The following MAST4 variants were observed in gnomAD, a reference collection of about 807,000 sequenced individuals.
The protein encoded by MAST4 is microtubule-associated serine/threonine-protein kinase 4.
Under a neutral mutation model 162.7 loss-of-function variants are expected in MAST4, and 89 were observed. The ratio of observed to expected loss-of-function variants is 0.55; its 90% CI spans 0.46 to 0.65. MAST4 has a LOEUF of 0.65. Among genes scored for constraint, MAST4 ranks in the 30% least tolerant of loss-of-function variants. The probability of loss-of-function intolerance (pLI) is 0.00; values close to 1 mark genes in which losing one functional copy is unlikely to be tolerated. For synonymous variants in MAST4, 1,479 were observed against 1,361.1 expected (o/e 1.09, Z -1.91); for missense variants, 3,153 against 3,374.0 (o/e 0.93, Z 1.62).
At chr5:67,156,751 G>C (rs1196233671) in intron 26 of MAST4, among the ~76,000 whole-genome samples, 1 of 152,210 alleles carries the variant, frequency 6.6e-6, no homozygotes, top group Non-Finnish European at 1.5e-5. Flanking sequence ...GGTAGTGAAG[G>C]GGTTGAGGCC....
intron 1 of MAST4, among the ~76,000 whole-genome samples, chr5:66,755,005 C>T (rs11739144): frequency 3.9e-4 from 60 of 152,226 alleles, no homozygotes; most frequent in Non-Finnish European, 7.2e-4. Flanking sequence ...AGTGGAGTGG[C>T]AGGAGCTGGG....
chr5:66,800,357 C>A (rs544607443), intron 3 of MAST4, among the ~76,000 whole-genome samples: 1 of 152,274 alleles, frequency 6.6e-6, no homozygotes, highest in East Asian at 1.9e-4. Context: ...GAATATTATG[C>A]AGCCATAGCA....
intron 4 of MAST4, among the ~76,000 whole-genome samples, chr5:66,984,860 G>C (rs1053928663): frequency 2.0e-5 from 3 of 152,118 alleles, no homozygotes; most frequent in African/African-American, 4.8e-5. Flanking sequence ...ACACAGGTGG[G>C]GAAGACTTGA....
rs115169155 is a variant in MAST4 at position 66,930,508 on chromosome 5, G to A, written c.674+30526G>A. ...AGACGTTCATTGTATTTGGTCCAGT[G>A]GTGTGTGTATATGATTGTGAATGAG... On this transcript the variant is annotated intron_variant, in intron 4 of 28. Transcript: ENST00000403625. Among the ~76,000 whole-genome samples, 1,034 of 152,232 alleles carry A rather than the reference G, an allele frequency of 6.8e-3. 14 individuals are homozygous for A. Among genetic ancestry groups the A allele is most frequent in the African/African-American group, 0.024 (990 of 41,530 alleles).
At chr5:66,966,520 A>G (rs1244072679) in intron 4 of MAST4, among the ~76,000 whole-genome samples, 1 of 152,218 alleles carries the variant, frequency 6.6e-6, no homozygotes, top group East Asian at 1.9e-4. Context: ...TAAGGGATCC[A>G]GGGGGATCTT....
At chr5:66,609,497 C>T (rs965196528) in intron 1 of MAST4, among the ~76,000 whole-genome samples, 5 of 150,926 alleles carry the variant, frequency 3.3e-5, no homozygotes, top group African/African-American at 1.2e-4. Flanking sequence ...TCAAGCCATC[C>T]TCCCACCTTA....
chr5:67,045,450 C>T (rs1757247513), intron 4 of MAST4, among the ~76,000 whole-genome samples: 1 of 152,060 alleles, frequency 6.6e-6, no homozygotes, highest in Non-Finnish European at 1.5e-5. Flanking sequence ...AATAGAGCCA[C>T]GAAATGGAGA....
chr5:66,694,308 C>T (rs1440835342), intron 1 of MAST4, among the ~76,000 whole-genome samples: 2 of 152,084 alleles, frequency 1.3e-5, no homozygotes, highest in Non-Finnish European at 2.9e-5. Context: ...AGGTCCACCC[C>T]TTTCAGTGGT....
intron 19 of MAST4, among the ~76,000 whole-genome samples, chr5:67,138,741 A>G (rs1451045528): frequency 1.3e-5 from 2 of 152,068 alleles, no homozygotes; most frequent in African/African-American, 2.4e-5. Flanking sequence ...GCCCCATCAT[A>G]TATGTTTTAA....
At chr5:67,001,862 C>T (rs1751333412) in intron 4 of MAST4, 1 of 152,212 alleles carries the variant, frequency 6.6e-6, no homozygotes, top group Non-Finnish European at 1.5e-5. Flanking sequence ...GATCCAAACA[C>T]TCTTTCACAT....
At chr5:66,859,293 T>G (rs1050721051) in intron 3 of MAST4, among the ~76,000 whole-genome samples, 1 of 152,338 alleles carries the variant, frequency 6.6e-6, no homozygotes, top group African/African-American at 2.4e-5. Flanking sequence ...AGATTTCTTA[T>G]TCTGTCCTCT....
intron 4 of MAST4, among the ~76,000 whole-genome samples, chr5:66,915,985 C>T (rs1764093575): frequency 6.6e-6 from 1 of 152,174 alleles, no homozygotes; most frequent in African/African-American, 2.4e-5. Flanking sequence ...CTGCGTTGTC[C>T]AGTGCAGCAG....
intron 1 of MAST4, among the ~76,000 whole-genome samples, chr5:66,656,940 T>C (rs1175010579): frequency 6.6e-6 from 1 of 152,216 alleles, no homozygotes; most frequent in East Asian, 1.9e-4. Flanking sequence ...GGTTTCATTT[T>C]TCCCAAGCAG....
At chr5:66,659,791 G>A (rs35942170) in intron 1 of MAST4, among the ~76,000 whole-genome samples, 3 of 152,144 alleles carry the variant, frequency 2.0e-5, no homozygotes, top group Non-Finnish European at 2.9e-5. Context: ...GCTGTGTAGC[G>A]CATGTGCTAG....
Position 66,655,907 on chromosome 5 carries a change from A to C in MAST4, c.363+58889A>C, listed in dbSNP as rs555027227. Among the ~76,000 whole-genome samples the C allele has an allele frequency of 5.9e-5, 9 of 152,352 alleles. No homozygotes were observed. In the South Asian group the frequency reaches 1.9e-3, roughly 32 times the overall value. On this transcript the variant is annotated intron_variant, in intron 1 of 28. Coordinates refer to ENST00000403625, the MANE Select transcript of MAST4 (RefSeq NM_001164664.2). ...TATATTTAAAAAATTGCAGTCCACA[A>C]ACTGTTAGCAATATCTCCCCCTGTA...
chr5:66,963,670 A>G (rs370243287), intron 4 of MAST4: 6 of 779,260 alleles, frequency 7.7e-6, no homozygotes, highest in Non-Finnish European at 1.4e-5. Context: ...ACTGCAATCA[A>G]TTCTCCCACT....
chr5:66,913,504 C>CA (rs1296789617), intron 4 of MAST4, among the ~76,000 whole-genome samples: 6 of 152,100 alleles, frequency 3.9e-5, no homozygotes, highest in African/African-American at 1.4e-4. Context: ...ATGACTGTGT[C>CA]AGTTTCATTA....
chr5:67,045,228 G>C (rs1757220130), intron 4 of MAST4, among the ~76,000 whole-genome samples: 1 of 152,106 alleles, frequency 6.6e-6, no homozygotes, highest in Admixed American at 6.6e-5. Context: ...TATAATCCTT[G>C]TTATCAAAAA....
intron 1 of MAST4, among the ~76,000 whole-genome samples, chr5:66,756,580 A>C (rs1240663116): frequency 4.6e-5 from 7 of 152,272 alleles, no homozygotes; most frequent in African/African-American, 1.7e-4. Flanking sequence ...CGAAGTCCAA[A>C]GTGACATGTT....
Sources: allele counts gnomAD v4.1 joint callset (sites outside exome capture counted in the v4.1 genomes callset), GRCh38; gene constraint gnomAD v4.1.1; transcripts MANE v1.5; gene names NCBI Gene and HGNC (gene_info 2026-07-23, HGNC 2026-07-21).